MCCC1: variants seen among roughly 807,000 people sequenced by gnomAD.
MCCC1 encodes methylcrotonyl-CoA carboxylase subunit 1, also known as methylcrotonoyl-CoA carboxylase subunit alpha, mitochondrial.
A neutral mutation model predicts 83.8 loss-of-function variants in MCCC1; 64 were observed. The observed-to-expected ratio is 0.76, with a 90% CI of 0.62 to 0.94. The LOEUF (loss-of-function observed/expected upper bound fraction) is 0.94, where lower values mean the gene tolerates loss of function less well. MCCC1 is among the 40% of genes least tolerant of loss of function. MCCC1 has a pLI of 0.00. For synonymous variants in MCCC1, 322 were observed against 315.4 expected (o/e 1.02, Z -0.22); for missense variants, 807 against 904.7 (o/e 0.89, Z 1.39).
intron 4 of MCCC1, among the ~76,000 whole-genome samples, chr3:183,079,516 G>T (rs1163404589): frequency 1.3e-5 from 2 of 152,190 alleles, no homozygotes; most frequent in African/African-American, 4.8e-5. Context: ...ATGGTCTTGG[G>T]CAGCTCCAAC....
intron 1 of MCCC1, 140 bp from the exon 2 acceptor site, chr3:183,094,745 A>G: frequency 1.2e-6 from 1 of 816,424 alleles, no homozygotes; most frequent in Non-Finnish European, 2.1e-6. Flanking sequence ...AGTGGGTAGA[A>G]AACTAATCTA....
intron 13 of MCCC1, among the ~76,000 whole-genome samples, chr3:183,036,394 G>A (rs1016475031): frequency 1.1e-4 from 16 of 152,098 alleles, no homozygotes; most frequent in African/African-American, 3.4e-4. Context: ...AGATTGTCTT[G>A]AGACTCTGGG....
chr3:183,054,451 C>T (rs901191621), intron 8 of MCCC1, among the ~76,000 whole-genome samples: 10 of 150,740 alleles, frequency 6.6e-5, no homozygotes, highest in East Asian at 5.8e-4. Flanking sequence ...CCTCCCAAAG[C>T]GCTGGGATTA....
At chr3:183,020,325 C>A in intron 16 of MCCC1, 88 bp from the exon 17 acceptor site, 2 of 1,116,274 alleles carry the variant, frequency 1.8e-6, no homozygotes, top group Non-Finnish European at 2.7e-6. Flanking sequence ...TGTTTCCCAG[C>A]AATTTGTTAA....
chr3:183,068,016 T>G (rs1438668350), intron 7 of MCCC1, among the ~76,000 whole-genome samples: 1 of 152,132 alleles, frequency 6.6e-6, no homozygotes, highest in Non-Finnish European at 1.5e-5. Flanking sequence ...GAGATCCTAA[T>G]AGTTAGGCAG....
chr3:183,037,211 T>TC lies in MCCC1; in HGVS notation c.1594+6dup. ...ACAAGCAGAGGAAAGAGAAAAGCCT[T>TC]CCATACCATGTGCCTGAAGAGTGAA... On this transcript the variant is annotated splice_region_variant and intron_variant, in intron 13 of 18. Coordinates refer to ENST00000265594, the MANE Select transcript of MCCC1 (RefSeq NM_020166.5). 1.2e-6 allele frequency: 2 copies of TC among 1,612,920 alleles called. No homozygotes were observed. Among genetic ancestry groups the TC allele is most frequent in the Non-Finnish European group, 1.7e-6 (2 of 1,179,926 alleles).
At chr3:183,074,998 T>C (rs207464140) in intron 4 of MCCC1, among the ~76,000 whole-genome samples, 1 of 152,216 alleles carries the variant, frequency 6.6e-6, no homozygotes, top group Non-Finnish European at 1.5e-5. Flanking sequence ...GGGAGTTTGC[T>C]AAGGATAATA....
chr3:183,074,935 T>C (rs1716955445), intron 4 of MCCC1, among the ~76,000 whole-genome samples: 1 of 152,212 alleles, frequency 6.6e-6, no homozygotes, highest in East Asian at 1.9e-4. Flanking sequence ...GTTCTTATCA[T>C]TCAGCTCCCA....
chr3:183,037,575 C>T, intron 12 of MCCC1, 141 bp from the exon 13 acceptor site: 5 of 745,922 alleles, frequency 6.7e-6, no homozygotes, highest in South Asian at 6.4e-5. Flanking sequence ...TACCATGTGG[C>T]AACAGGACAA....
At chr3:183,018,600 C>T (rs986425134) in intron 17 of MCCC1, among the ~76,000 whole-genome samples, 1 of 152,278 alleles carries the variant, frequency 6.6e-6, no homozygotes, top group Non-Finnish European at 1.5e-5. Context: ...TGTCCCCACC[C>T]ACAAAACCAC....
intron 1 of MCCC1, among the ~76,000 whole-genome samples, chr3:183,106,685 C>T (rs71314280): frequency 1.9e-4 from 29 of 151,978 alleles, no homozygotes; most frequent in African/African-American, 7.0e-4. Context: ...TTAGTAGAGA[C>T]GGAGTTTCAC....
intron 3 of MCCC1, among the ~76,000 whole-genome samples, chr3:183,091,572 C>T (rs1042800711): frequency 3.4e-5 from 5 of 148,136 alleles, no homozygotes; most frequent in Admixed American, 3.3e-4. Context: ...TTGTCAAAAA[C>T]AAAAACAAAA....
At chr3:183,101,860 C>T (rs959123286), upstream of MCCC1, among the ~76,000 whole-genome samples, 7 of 152,082 alleles carry the variant, frequency 4.6e-5, no homozygotes, top group African/African-American at 1.4e-4. Flanking sequence ...ACGAGCCCAC[C>T]GGGAGGAACG....
chr3:183,101,340 A>G (rs1719281902), upstream of MCCC1, among the ~76,000 whole-genome samples: 1 of 152,236 alleles, frequency 6.6e-6, no homozygotes, highest in Admixed American at 6.5e-5. Flanking sequence ...TGCGGGATCC[A>G]CTAGGTGAAG....
chr3:183,092,292 C>G, intron 3 of MCCC1, 117 bp downstream of exon 3: 1 of 1,315,556 alleles, frequency 7.6e-7, no homozygotes, highest in Non-Finnish European at 1.1e-6. Flanking sequence ...GCAGTTTGAA[C>G]TTACCTACTT....
intron 14 of MCCC1, among the ~76,000 whole-genome samples, chr3:183,029,455 A>T (rs1433383110): frequency 6.6e-6 from 1 of 152,168 alleles, no homozygotes; most frequent in Non-Finnish European, 1.5e-5. Flanking sequence ...CTTGTCATCC[A>T]GGCTTGAAAC....
intron 7 of MCCC1, among the ~76,000 whole-genome samples, chr3:183,067,482 G>A (rs1345596642): frequency 3.9e-5 from 6 of 152,174 alleles, no homozygotes; most frequent in African/African-American, 1.4e-4. Flanking sequence ...GTCTTACCAT[G>A]ATTTGTCTTT....
upstream of MCCC1, among the ~76,000 whole-genome samples, chr3:183,102,770 T>G (rs1454907359): frequency 6.9e-4 from 58 of 83,676 alleles, no homozygotes; most frequent in Admixed American, 1.1e-3. Flanking sequence ...TTTTTTTTTT[T>G]TTTTTTTTTT....
intron 11 of MCCC1, among the ~76,000 whole-genome samples, chr3:183,039,813 G>C (rs961666728): frequency 1.3e-5 from 2 of 152,032 alleles, no homozygotes; most frequent in Non-Finnish European, 2.9e-5. Context: ...GATAAGATTA[G>C]AGGTGCCTAC....
Sources: gnomAD v4.1 joint callset for allele counts (sites outside exome capture counted in the v4.1 genomes callset) on GRCh38, gnomAD v4.1.1 for gene constraint, MANE v1.5 for transcripts, NCBI Gene and HGNC (gene_info 2026-07-23, HGNC 2026-07-21) for gene names.